The following MACROD2 variants were observed in gnomAD, a reference collection of about 807,000 sequenced individuals.
The protein encoded by MACROD2 is ADP-ribose glycohydrolase MACROD2.
MACROD2 carries 36 observed loss-of-function variants against 70.4 expected under a neutral mutation model. The ratio of observed to expected loss-of-function variants is 0.51; its 90% CI spans 0.39 to 0.68. The LOEUF is 0.68. MACROD2 is among the 30% of genes least tolerant of loss of function. The pLI is 0.00. For missense variants in MACROD2, 496 were observed against 538.4 expected, an observed-to-expected ratio of 0.92 and a Z score of 0.78; for synonymous variants, 172 against 178.8, an observed-to-expected ratio of 0.96 and a Z score of 0.30.
chr20:15,728,359 T>C (rs2050895290), intron 8 of MACROD2, among the ~76,000 whole-genome samples: 1 of 152,164 alleles, frequency 6.6e-6, no homozygotes, highest in African/African-American at 2.4e-5. Context: ...GATCTGATGT[T>C]TTCTTTTTCA....
At chr20:14,552,293 A>G (rs1480570059) in intron 4 of MACROD2, among the ~76,000 whole-genome samples, 1 of 136,152 alleles carries the variant, frequency 7.3e-6, no homozygotes, top group Admixed American at 7.8e-5. Flanking sequence ...TAATACAGTA[A>G]AATTTAAACT....
At position 14,322,200 on chromosome 20, in the gene MACROD2, A is replaced by ATATATATATATATATATATG. The variant is rs1318380598; in HGVS notation, c.272-171278_272-171277insATATATATATATATATATGT. ...AATATATATATATATATATATATAT[A>ATATATATATATATATATATG]TTTTGTATTTTGCAAAGCAACTGGA... On this transcript the variant is annotated intron_variant, in intron 3 of 17. Transcript: ENST00000684519. Among the ~76,000 whole-genome samples the ATATATATATATATATATATG allele has an allele frequency of 1.7e-4, 22 of 133,180 alleles. 1 individual carries two copies. The highest frequency in any genetic ancestry group is 3.3e-4 in the Non-Finnish European group (20 of 61,400). The allele number at this position is 133,180 out of a possible 152,430, so 87.4% of individuals were successfully genotyped here. A position where few individuals can be genotyped will look rare whatever the true frequency, so the allele number is the denominator to read the frequency against.
At chr20:15,548,300 C>T (rs1359838793) in intron 8 of MACROD2, among the ~76,000 whole-genome samples, 1 of 152,164 alleles carries the variant, frequency 6.6e-6, no homozygotes. Context: ...GATTTTAAAA[C>T]ATATCATAAA....
intron 5 of MACROD2, among the ~76,000 whole-genome samples, chr20:15,161,008 T>C (rs539316110): frequency 4.7e-4 from 72 of 152,242 alleles, no homozygotes; most frequent in African/African-American, 1.6e-3. Flanking sequence ...CACACTGTTA[T>C]ACAATTGATG....
chr20:14,194,301 G>A (rs2081412412), intron 3 of MACROD2, among the ~76,000 whole-genome samples: 3 of 152,178 alleles, frequency 2.0e-5, no homozygotes, highest in Non-Finnish European at 4.4e-5. Flanking sequence ...CCTGAGTTCA[G>A]TTGCTTTTGT....
intron 6 of MACROD2, among the ~76,000 whole-genome samples, chr20:15,360,251 A>G (rs2078336199): frequency 6.6e-6 from 1 of 152,082 alleles, no homozygotes; most frequent in Non-Finnish European, 1.5e-5. Flanking sequence ...TTAACCAGTC[A>G]CCTATTGAAG....
At chr20:15,785,643 G>C (rs75588623) in intron 8 of MACROD2, among the ~76,000 whole-genome samples, 1,553 of 152,248 alleles carry the variant, frequency 0.01, 29 homozygotes, top group East Asian at 0.085. Flanking sequence ...AGGAGTGTCA[G>C]ATTGAAGCAG....
intron 6 of MACROD2, among the ~76,000 whole-genome samples, chr20:15,430,048 C>G (rs548507883): frequency 6.6e-6 from 1 of 152,074 alleles, no homozygotes; most frequent in South Asian, 2.1e-4. Context: ...TGAGTTATTT[C>G]ACTTAAAATA....
At chr20:14,831,380 A>G (rs1045792580) in intron 5 of MACROD2, among the ~76,000 whole-genome samples, 1 of 152,100 alleles carries the variant, frequency 6.6e-6, no homozygotes, top group African/African-American at 2.4e-5. Context: ...AAAAACGTTT[A>G]GGAAATAATT....
intron 8 of MACROD2, among the ~76,000 whole-genome samples, chr20:15,595,488 C>A (rs886975661): frequency 2.6e-5 from 4 of 151,904 alleles, no homozygotes; most frequent in African/African-American, 9.7e-5. Flanking sequence ...TTATTCATTG[C>A]AACATTATTT....
intron 8 of MACROD2, among the ~76,000 whole-genome samples, chr20:15,820,744 T>C (rs570929197): frequency 2.0e-5 from 3 of 152,360 alleles, no homozygotes; most frequent in African/African-American, 4.8e-5. Context: ...TTTAAGTTTT[T>C]TATAGTTTCT....
chr20:14,933,693 G>C (rs1173549244), intron 5 of MACROD2: 1 of 151,836 alleles, frequency 6.6e-6, no homozygotes, highest in Admixed American at 6.6e-5. Context: ...TCAAACTTTT[G>C]TTTTAATGCC....
chr20:14,376,125 A>T lies in MACROD2; in HGVS notation c.272-117354A>T, dbSNP rs145052997. Among the ~76,000 whole-genome samples the T allele has an allele frequency of 3.4e-4, 52 of 152,338 alleles. No individual in the cohort carries two copies. In the East Asian group the frequency reaches 7.9e-3, roughly 23 times the overall value. On this transcript the variant is annotated intron_variant, in intron 3 of 17. Coordinates refer to ENST00000684519, the MANE Select transcript of MACROD2 (RefSeq NM_001351661.2). Reference sequence around the variant, plus strand: ...ATTTCTTGCTCCTGATGCATTGTTAAGGTGGGTAAACCAACCAATACTTAA... The same window carrying T: ...ATTTCTTGCTCCTGATGCATTGTTATGGTGGGTAAACCAACCAATACTTAA...
intron 8 of MACROD2, among the ~76,000 whole-genome samples, chr20:15,665,978 A>G (rs2049892097): frequency 8.4e-6 from 1 of 119,570 alleles, no homozygotes; most frequent in African/African-American, 3.0e-5. Context: ...TTCATGCTGT[A>G]GAGAAAATAG....
At chr20:14,693,683 A>T (rs1021471410) in intron 5 of MACROD2, among the ~76,000 whole-genome samples, 1 of 152,158 alleles carries the variant, frequency 6.6e-6, no homozygotes, top group Admixed American at 6.6e-5. Context: ...GTATTATAGA[A>T]TGTAAGATTG....
chr20:14,977,884 T>A (rs2074756278), intron 5 of MACROD2, among the ~76,000 whole-genome samples: 1 of 151,730 alleles, frequency 6.6e-6, no homozygotes, highest in South Asian at 2.1e-4. Flanking sequence ...TTCTGTTGAA[T>A]TTTTTTTTCT....
intron 15 of MACROD2, among the ~76,000 whole-genome samples, chr20:16,005,163 G>T (rs949609803): frequency 1.3e-5 from 2 of 152,106 alleles, no homozygotes; most frequent in Non-Finnish European, 2.9e-5. Context: ...CTCTACAAGG[G>T]TTGAAAAAAG....
intron 7 of MACROD2, among the ~76,000 whole-genome samples, chr20:15,451,335 G>A (rs1006367593): frequency 9.6e-5 from 13 of 135,218 alleles, no homozygotes; most frequent in African/African-American, 3.5e-4. Context: ...AGAATAAAAA[G>A]CAAACTTCAG....
intron 4 of MACROD2, among the ~76,000 whole-genome samples, chr20:14,676,138 A>G (rs2070858363): frequency 6.6e-6 from 1 of 152,174 alleles, no homozygotes; most frequent in Non-Finnish European, 1.5e-5. Context: ...AGACAGATCA[A>G]TGAGACAGAA....
Sources: gnomAD v4.1 joint callset for allele counts (sites outside exome capture counted in the v4.1 genomes callset) on GRCh38, gnomAD v4.1.1 for gene constraint, MANE v1.5 for transcripts, NCBI Gene and HGNC (gene_info 2026-07-23, HGNC 2026-07-21) for gene names.